CHD5: variants seen among roughly 807,000 people sequenced by gnomAD.
The protein encoded by CHD5 is chromodomain helicase DNA binding protein 5, also known as ATP-dependent chromatin remodeler CHD5.
CHD5 carries 69 observed loss-of-function variants against 230.3 expected under a neutral mutation model. The observed-to-expected ratio is 0.30, with a 90% CI of 0.25 to 0.37. The LOEUF (loss-of-function observed/expected upper bound fraction) is 0.37. Among genes scored for constraint, CHD5 ranks in the 10% least tolerant of loss-of-function variants. The pLI is 1.00. For missense variants in CHD5, 1,827 were observed against 2,622.8 expected (o/e 0.70, Z 6.63); for synonymous variants, 1,064 against 1,065.9 (o/e 1.00, Z 0.03).
At chr1:6,166,402 C>T (rs1271571001) in intron 2 of CHD5, among the ~76,000 whole-genome samples, 1 of 151,814 alleles carries the variant, frequency 6.6e-6, no homozygotes, top group African/African-American at 2.4e-5. Flanking sequence ...GCAGAAGCCC[C>T]ACAAGGCAGG....
chr1:6,110,572 G>T, intron 36 of CHD5, 46 bp from the exon 37 acceptor site: 1 of 1,598,310 alleles, frequency 6.3e-7, no homozygotes, highest in Non-Finnish European at 8.5e-7. Context: ...TAGAAGTGGT[G>T]GGGCCGTAGG....
rs1323983162 is a variant in CHD5 at position 6,123,971 on chromosome 1, A to G, written c.4676T>C (p.Leu1559Pro). ...ACCTGGCAGGCCCAGCGGGGCTGGC[A>G]GGAGGTGGGCAGGGCTGGCGGGCAC... ...TPVPASPAHL[L>P]PAPLGLPDKM... Residue 1559 changes from leucine to proline, a missense_variant, in exon 31 of 42, where the codon CTG (leucine) becomes CCG (proline). This residue lies in a region of CHD5 where 272 missense variants were observed against 263.2 expected (regional missense o/e 1.03). Coordinates refer to ENST00000262450, the MANE Select transcript of CHD5 (RefSeq NM_015557.3). 4 of 1,594,318 alleles carry G rather than the reference A, an allele frequency of 2.5e-6. No individual in the cohort carries two copies. The Admixed American group carries it at 7.1e-5, about 28-fold the overall frequency.
intron 6 of CHD5, 76 bp from the exon 7 acceptor site, chr1:6,151,231 G>C: frequency 6.7e-7 from 1 of 1,486,446 alleles, no homozygotes; most frequent in Admixed American, 2.0e-5. Context: ...GTGTGGGGTG[G>C]GACAAAGCAC....
intron 2 of CHD5, among the ~76,000 whole-genome samples, chr1:6,165,574 G>A (rs1667239415): frequency 6.6e-6 from 1 of 152,086 alleles, no homozygotes; most frequent in Non-Finnish European, 1.5e-5. Context: ...GCCCAGGTCT[G>A]AGGAGTGAGG....
Position 6,109,985 on chromosome 1 carries a change from C to T in CHD5, c.5388G>A (p.Leu1796=), listed in dbSNP as rs1666259204. The T allele has an allele frequency of 5.2e-6, 8 of 1,538,048 alleles. No homozygotes were observed. The highest frequency in any genetic ancestry group is 7.0e-6 in the Non-Finnish European group (8 of 1,144,890). Residue 1796 remains leucine (L), a synonymous_variant, in exon 38 of 42, where the codon CTG becomes CTA. Transcript: ENST00000262450. The stretch of plus-strand genomic sequence containing the variant: ...GCTCCTCAATGACCAACGCCTGCTC[C>T]AGCAGCTGGGGGCGGGGCGCAGCGT... ...NKFLARRFKL[L]EQALVIEEQL...
intron 33 of CHD5, among the ~76,000 whole-genome samples, chr1:6,116,986 G>A (rs778879160): frequency 2.4e-4 from 36 of 152,200 alleles, no homozygotes; most frequent in Non-Finnish European, 1.5e-4. Context: ...AGGGAAGTGA[G>A]TTAGAGCTAA....
rs777855759 is a variant in CHD5 at position 6,148,979 on chromosome 1, G to C, written c.1258C>G (p.Arg420Gly). ...EEEDDHMEFC[R>G]VCKDGGELLC... ...AGCTCGCCCCCGTCCTTGCACACGCGGCAGAACTCCATGTGGTCGTCCTCC... is the reference window on the plus strand; with the variant it reads ...AGCTCGCCCCCGTCCTTGCACACGCCGCAGAACTCCATGTGGTCGTCCTCC... The change falls in exon 9 of 42, where the codon CGC (arginine) becomes GGC (glycine). Residue 420 changes from arginine to glycine, a missense_variant. By Grantham distance (125) the Arg-to-Gly change is moderately radical. This residue lies in a region of CHD5 where 657 missense variants were observed against 816.4 expected (regional missense o/e 0.80). Transcript: ENST00000262450. 1 of 1,607,492 alleles carries C rather than the reference G, an allele frequency of 6.2e-7. No homozygotes were observed.
At chr1:6,152,762 C>G (rs182540630) in intron 5 of CHD5, among the ~76,000 whole-genome samples, 263 of 152,326 alleles carry the variant, frequency 1.7e-3, no homozygotes, top group African/African-American at 5.3e-3. Context: ...CTGCCCTGAC[C>G]GCCTTGCTGC....
chr1:6,106,301 A>G lies in CHD5; in HGVS notation c.5858-14T>C, dbSNP rs372567213. ...ACGGCTAGATATCTGTCAAAAAAAG[A>G]GGAGAGCCGGGCTTGCCTGACGTTG... is the stretch of plus-strand genomic sequence containing the variant. On this transcript the variant is annotated splice_polypyrimidine_tract_variant and intron_variant, in intron 40 of 41. Transcript: ENST00000262450. 1.2e-6 allele frequency: 2 copies of G among 1,612,656 alleles called. No individual in the cohort carries two copies. The highest frequency in any genetic ancestry group is 1.3e-5 in the African/African-American group (1 of 74,936).
intron 2 of CHD5, among the ~76,000 whole-genome samples, chr1:6,165,315 T>C (rs540203974): frequency 1.3e-5 from 2 of 152,156 alleles, no homozygotes; most frequent in South Asian, 2.1e-4. Context: ...CTGGGGAGGA[T>C]GGGGGCTCCC....
intron 33 of CHD5, among the ~76,000 whole-genome samples, chr1:6,117,002 T>C (rs1666388097): frequency 1.3e-5 from 2 of 152,226 alleles, no homozygotes; most frequent in Non-Finnish European, 2.9e-5. Flanking sequence ...GCTAAAGCTA[T>C]CTAAAGTCCT....
chr1:6,147,471 G>A (rs950250643), intron 9 of CHD5, among the ~76,000 whole-genome samples: 1 of 152,196 alleles, frequency 6.6e-6, no homozygotes, highest in Non-Finnish European at 1.5e-5. Flanking sequence ...CAGATGCTAG[G>A]GTGACAGTGA....
At chr1:6,163,609 C>T (rs908053130) in intron 2 of CHD5, among the ~76,000 whole-genome samples, 5 of 152,126 alleles carry the variant, frequency 3.3e-5, no homozygotes, top group African/African-American at 1.2e-4. Flanking sequence ...ATGAGCAGGA[C>T]CTGGAGGGAC....
intron 33 of CHD5, among the ~76,000 whole-genome samples, chr1:6,114,639 C>T (rs187750210): frequency 6.0e-4 from 91 of 151,906 alleles, no homozygotes; most frequent in African/African-American, 2.1e-3. Context: ...TCCCACGGAC[C>T]ACACAGGTTG....
intron 33 of CHD5, among the ~76,000 whole-genome samples, chr1:6,115,416 C>T (rs952524671): frequency 3.9e-5 from 6 of 152,172 alleles, no homozygotes; most frequent in African/African-American, 9.7e-5. Flanking sequence ...GAGCAGGTTC[C>T]GTTTTGCGGC....
In CHD5 at chr1:6,124,702, G is replaced by T. The variant is rs763044563; in HGVS notation, c.4395-41C>A. ...GGGACTGGGGCTCAGGGAGTGGGGG[G>T]CCGGCAAGAACCCTCTGAGAGGGCT... On this transcript the variant is annotated intron_variant, in intron 29 of 41. Coordinates refer to ENST00000262450, the MANE Select transcript of CHD5 (RefSeq NM_015557.3). 3.4e-6 allele frequency: 4 copies of T among 1,187,870 alleles called. No homozygotes were observed. In the African/African-American group the frequency reaches 6.1e-5, roughly 18 times the overall value. The allele number at this position is 1,187,870 out of a possible 1,614,324, so 73.6% of individuals were successfully genotyped here. A position where few individuals can be genotyped will look rare whatever the true frequency, so the allele number is the denominator to read the frequency against.
At position 6,180,301 on chromosome 1, in the gene CHD5, GCGCCAGAGGCA is replaced by G. The variant is rs1667495825; in HGVS notation, c.-289_-279del. ...CAGCCGGCCGAGGGTGGCGGCGGCA[GCGCCAGAGGCA>G]CGGCGGCACGGCGGGGGGGCGGCAC... On this transcript the variant is annotated 5_prime_UTR_variant, in exon 1 of 42. Coordinates refer to ENST00000262450, the MANE Select transcript of CHD5 (RefSeq NM_015557.3). 6.6e-6 allele frequency among the ~76,000 whole-genome samples: 1 copy of G among 151,330 alleles called. No homozygotes were observed. The highest frequency in any genetic ancestry group is 2.4e-5 in the African/African-American group (1 of 41,236).
rs1408292017 is a variant in CHD5 at position 6,126,767 on chromosome 1, G to A, written c.3904-21C>T. ...TCCTCCTGGGGACGCAGCACCACGGGTTCCATGGGTGGAGCCATCTCTGCC... is the reference window on the plus strand; with the variant it reads ...TCCTCCTGGGGACGCAGCACCACGGATTCCATGGGTGGAGCCATCTCTGCC... On this transcript the variant is annotated intron_variant, in intron 25 of 41. Coordinates refer to ENST00000262450, the MANE Select transcript of CHD5 (RefSeq NM_015557.3). The surrounding 1 kb of genome is among the most constrained non-coding windows in gnomAD (Gnocchi z 5.7). 1.9e-6 allele frequency: 3 copies of A among 1,607,024 alleles called. No individual in the cohort carries two copies. Among genetic ancestry groups the A allele is most frequent in the African/African-American group, 1.3e-5 (1 of 74,690 alleles).
Position 6,126,241 on chromosome 1 carries a change from G to GC in CHD5, c.4078+330dup, listed in dbSNP as rs1666555157. 1.3e-5 allele frequency among the ~76,000 whole-genome samples: 2 copies of GC among 152,066 alleles called. No homozygotes were observed. The highest frequency in any genetic ancestry group is 2.9e-5 in the Non-Finnish European group (2 of 67,982). On this transcript the variant is annotated intron_variant, in intron 26 of 41. Coordinates refer to ENST00000262450, the MANE Select transcript of CHD5 (RefSeq NM_015557.3). This position sits in a 1 kb window ranked among gnomAD's most constrained non-coding sequence, Gnocchi z 5.7. ...CAACCAGCGCCGCCCAGCGTTCCTG[G>GC]CCCCCACCTCCCGGGGGGGTCCTGC...
Sources: allele counts gnomAD v4.1 joint callset (sites outside exome capture counted in the v4.1 genomes callset), GRCh38; gene constraint gnomAD v4.1.1; regional missense constraint gnomAD v4.1.1; non-coding constraint Gnocchi (gnomAD v3.1); transcripts MANE v1.5; gene names NCBI Gene and HGNC (gene_info 2026-07-23, HGNC 2026-07-21).